Variants in MVP observed in about 807,000 individuals in gnomAD.
The protein encoded by MVP is major vault protein.
MVP carries 62 observed loss-of-function variants against 83.5 expected under a neutral mutation model. That is an observed-to-expected ratio of 0.74 (90% CI 0.61 to 0.92). MVP has a LOEUF of 0.92. Ranked by LOEUF, MVP falls within the 40% of genes least tolerant of loss-of-function variation. The pLI is 0.00. For synonymous variants in MVP, 505 were observed against 504.1 expected (o/e 1.00, Z -0.02); for missense variants, 1,000 against 1,203.4 (o/e 0.83, Z 2.50).
At chr16:29,821,377 T>C (rs1417012612) in intron 1 of MVP, 7 of 152,232 alleles carry the variant, frequency 4.6e-5, no homozygotes, top group Admixed American at 4.6e-4. Flanking sequence ...GCCCTCTGTA[T>C]GTAGCCTTGA....
chr16:29,822,374 T>C (rs1053169161), intron 1 of MVP, among the ~76,000 whole-genome samples: 17 of 151,826 alleles, frequency 1.1e-4, no homozygotes, highest in Non-Finnish European at 1.3e-4. Flanking sequence ...ATTAATCATC[T>C]CCTAAAGGGG....
At chr16:29,840,121 A>G in intron 7 of MVP, 57 bp from the exon 8 acceptor site, 1 of 1,531,214 alleles carries the variant, frequency 6.5e-7, no homozygotes, top group Non-Finnish European at 8.8e-7. Context: ...GGGAGGTACC[A>G]TTGGAAGCAC....
At chr16:29,833,533 T>C in intron 3 of MVP, 200 bp from the exon 4 acceptor site, 1 of 483,932 alleles carries the variant, frequency 2.1e-6, no homozygotes. Context: ...GGTTCTTGAA[T>C]GTCTGAGGTC....
intron 5 of MVP, 112 bp from the exon 6 acceptor site, chr16:29,835,592 C>A: frequency 1.3e-6 from 1 of 793,302 alleles, no homozygotes; most frequent in Non-Finnish European, 2.1e-6. Context: ...GGGGTCAGTG[C>A]TATCTTTTTG....
intron 5 of MVP, 157 bp from the exon 6 acceptor site, chr16:29,835,547 A>G (rs1461216894): frequency 6.2e-6 from 3 of 485,954 alleles, no homozygotes; most frequent in Non-Finnish European, 1.1e-5. Flanking sequence ...CCTCAAAAGA[A>G]TGAATAAGAG....
chr16:29,821,393 TA>T (rs909800832), intron 1 of MVP: 4 of 152,074 alleles, frequency 2.6e-5, no homozygotes, highest in African/African-American at 9.7e-5. Context: ...CTTGAGCAGG[TA>T]GGGGGGCCAC....
At chr16:29,838,238 A>G (rs192581616) in intron 7 of MVP, among the ~76,000 whole-genome samples, 65 of 152,256 alleles carry the variant, frequency 4.3e-4, no homozygotes, top group Non-Finnish European at 6.8e-4. Flanking sequence ...GTTAGAAACC[A>G]TCCTGGCCAA....
chr16:29,838,937 A>G (rs1373346481), intron 7 of MVP, among the ~76,000 whole-genome samples: 1 of 152,202 alleles, frequency 6.6e-6, no homozygotes, highest in Non-Finnish European at 1.5e-5. Flanking sequence ...CTGTAATCCT[A>G]ACACTTTAGG....
Position 29,841,715 on chromosome 16 carries a change from G to A in MVP, c.1311G>A (p.Arg437=), listed in dbSNP as rs1396694700. 6.2e-7 allele frequency: 1 copy of A among 1,612,744 alleles called. No homozygotes were observed. The highest frequency in any genetic ancestry group is 1.7e-5 in the Admixed American group (1 of 59,814). The change falls in exon 9 of 15, where the codon AGG becomes AGA. Residue 437 remains arginine (R), a synonymous_variant. Coordinates refer to ENST00000357402, the MANE Select transcript of MVP (RefSeq NM_005115.5). This position sits in a 1 kb window ranked among gnomAD's most constrained non-coding sequence, Gnocchi z 4.7. The part of the protein sequence containing the change: ...LNKGQDPLAD[R]GEKDTAKSLQ... ...AGGGGCAGGACCCTCTGGCAGACAGGGGTGAGAAGGACACAGCTAAGAGCC... is the reference window on the plus strand; with the variant it reads ...AGGGGCAGGACCCTCTGGCAGACAGAGGTGAGAAGGACACAGCTAAGAGCC...
Position 29,841,870 on chromosome 16 carries a change from G to C in MVP, c.1436+30G>C. The C allele has an allele frequency of 6.2e-7, 1 of 1,609,636 alleles. No individual in the cohort carries two copies. Among genetic ancestry groups the C allele is most frequent in the South Asian group, 1.1e-5 (1 of 91,064 alleles). ...GTGCTGGCAGCGCAGGGTGTAGGGG[G>C]TGGCTCTCCATGGGTCTGGCTCTGA... is the stretch of plus-strand genomic sequence containing the variant. On this transcript the variant is annotated intron_variant, in intron 9 of 14. Transcript: ENST00000357402. The surrounding 1 kb of genome is among the most constrained non-coding windows in gnomAD (Gnocchi z 4.7).
intron 14 of MVP, 37 bp downstream of exon 14, chr16:29,847,422 A>G: frequency 6.6e-7 from 1 of 1,506,186 alleles, no homozygotes. Flanking sequence ...TTCAGGACCA[A>G]CCTTGAAACC....
chr16:29,821,665 A>G (rs1363752554), intron 1 of MVP, among the ~76,000 whole-genome samples: 3 of 152,200 alleles, frequency 2.0e-5, no homozygotes, highest in African/African-American at 7.2e-5. Flanking sequence ...TGGTCTCTAC[A>G]GTTATAGCCA....
intron 1 of MVP, chr16:29,825,921 C>T (rs933080974): frequency 2.6e-5 from 4 of 152,412 alleles, no homozygotes; most frequent in African/African-American, 9.6e-5. Context: ...TTCCTCTTCT[C>T]CCATCTGGTT....
In MVP at chr16:29,845,946, C is replaced by T. The variant is rs1488318202; in HGVS notation, c.2105C>T (p.Ala702Val). The change falls in exon 12 of 15, where the codon GCT (alanine) becomes GTT (valine). Residue 702 changes from alanine to valine, a missense_variant. Ala to Val is a moderately conservative substitution (Grantham distance 64). Transcript: ENST00000357402. Reference sequence around the variant, plus strand: ...CTGGACCAGTCAGAAGCCGAGAAAGCTCGCAAGGAACTTTTGGAGCTGGAG... The same window carrying T: ...CTGGACCAGTCAGAAGCCGAGAAAGTTCGCAAGGAACTTTTGGAGCTGGAG... ...KILDQSEAEK[A>V]RKELLELEAL... is the part of the protein sequence containing the mutation. 1.2e-6 allele frequency: 2 copies of T among 1,614,262 alleles called. No homozygotes were observed. The highest frequency in any genetic ancestry group is 2.2e-5 in the East Asian group (1 of 44,888).
chr16:29,846,338 C>T, intron 13 of MVP, 54 bp downstream of exon 13: 1 of 1,519,488 alleles, frequency 6.6e-7, no homozygotes, highest in Non-Finnish European at 8.9e-7. Flanking sequence ...GGAAAAGGCC[C>T]ATTCCCTACA....
In MVP at chr16:29,831,971, G is replaced by A. The variant is rs117526379; in HGVS notation, c.321+898G>A. ...TTGTTTGTTTGTTTTTAATAGAGAC[G>A]GGGTTTCACCGTGTTAGCCAGGATG... On this transcript the variant is annotated intron_variant, in intron 3 of 14. Transcript: ENST00000357402. Among the ~76,000 whole-genome samples, 448 of 152,246 alleles carry A rather than the reference G, an allele frequency of 2.9e-3. 13 individuals carry two copies. In the East Asian group the frequency reaches 0.064, roughly 22 times the overall value.
At chr16:29,834,795 C>T (rs2067471861) in intron 5 of MVP, 2 of 151,416 alleles carry the variant, frequency 1.3e-5, no homozygotes, top group Non-Finnish European at 2.9e-5. Flanking sequence ...ACACCATTCT[C>T]CTGCCTCAGC....
chr16:29,841,472 C>A lies in MVP; in HGVS notation c.1192-124C>A. 1 of 1,287,980 alleles carries A rather than the reference C, an allele frequency of 7.8e-7. No homozygotes were observed. The highest frequency in any genetic ancestry group is 1.0e-6 in the Non-Finnish European group (1 of 956,996). 79.8% of individuals were successfully genotyped at this position (1,287,980 alleles called of 1,614,324 possible). On this transcript the variant is annotated intron_variant, in intron 8 of 14. Transcript: ENST00000357402. This position sits in a 1 kb window ranked among gnomAD's most constrained non-coding sequence, Gnocchi z 4.7. ...AAACCCGGGGTGGAGCCTGGCCTCC[C>A]CGTAGAGAAGGTGTTTAACCTCGTG...
At chr16:29,820,760 C>T (rs1900355737) in intron 1 of MVP, 1 of 152,386 alleles carries the variant, frequency 6.6e-6, no homozygotes. Flanking sequence ...TCCCCCACCC[C>T]CCTGCAACTC....
Sources: allele counts gnomAD v4.1 joint callset (sites outside exome capture counted in the v4.1 genomes callset), GRCh38; gene constraint gnomAD v4.1.1; non-coding constraint Gnocchi (gnomAD v3.1); transcripts MANE v1.5; gene names NCBI Gene and HGNC (gene_info 2026-07-23, HGNC 2026-07-21).